KCND2: variants seen among roughly 807,000 people sequenced by gnomAD.
KCND2 encodes potassium voltage-gated channel subfamily D member 2, also known as A-type voltage-gated potassium channel KCND2.
A neutral mutation model predicts 54.4 loss-of-function variants in KCND2; 16 were observed. The ratio of observed to expected loss-of-function variants is 0.29; its 90% confidence interval spans 0.20 to 0.45. KCND2 has a LOEUF of 0.45. KCND2 is among the 20% of genes least tolerant of loss of function. KCND2 has a pLI of 1.00. For synonymous variants in KCND2, 317 were observed against 310.7 expected (o/e 1.02, Z -0.21); for missense variants, 486 against 824.2 (o/e 0.59, Z 5.02).
At chr7:120,294,514 G>C (rs139299813) in intron 1 of KCND2, among the ~76,000 whole-genome samples, 1 of 151,280 alleles carries the variant, frequency 6.6e-6, no homozygotes, top group Non-Finnish European at 1.5e-5. Flanking sequence ...GATTAATGCC[G>C]TATAATATAA....
At chr7:120,295,122 T>G (rs1210841654) in intron 1 of KCND2, among the ~76,000 whole-genome samples, 1 of 151,902 alleles carries the variant, frequency 6.6e-6, no homozygotes. Flanking sequence ...GAATTCGTAT[T>G]GATGCCAGGG....
chr7:120,692,732 T>A (rs1347447707), intron 1 of KCND2, among the ~76,000 whole-genome samples: 1 of 152,230 alleles, frequency 6.6e-6, no homozygotes, highest in African/African-American at 2.4e-5. Context: ...ATGGGGACTT[T>A]GAGTTCTCTA....
At chr7:120,290,244 G>C (rs1370058030) in intron 1 of KCND2, among the ~76,000 whole-genome samples, 1 of 151,868 alleles carries the variant, frequency 6.6e-6, no homozygotes. Context: ...ACCCTTTCTA[G>C]CCACTTCTTC....
At chr7:120,285,603 T>C (rs892675975) in intron 1 of KCND2, among the ~76,000 whole-genome samples, 4 of 151,974 alleles carry the variant, frequency 2.6e-5, no homozygotes, top group African/African-American at 9.7e-5. Flanking sequence ...TTCAAATGAA[T>C]ATTTTTCCAA....
intron 1 of KCND2, among the ~76,000 whole-genome samples, chr7:120,479,836 G>A (rs1584795724): frequency 6.7e-6 from 1 of 148,454 alleles, no homozygotes; most frequent in Non-Finnish European, 1.5e-5. Context: ...TGGTGTGGTG[G>A]CACGTACCTG....
chr7:120,628,434 C>G (rs569034319), intron 1 of KCND2, among the ~76,000 whole-genome samples: 1 of 152,274 alleles, frequency 6.6e-6, no homozygotes, highest in East Asian at 1.9e-4. Context: ...TGTACATTGC[C>G]AGGCACTGAG....
chr7:120,612,078 A>G (rs1792963109), intron 1 of KCND2, among the ~76,000 whole-genome samples: 1 of 152,186 alleles, frequency 6.6e-6, no homozygotes, highest in Non-Finnish European at 1.5e-5. Context: ...AGAACATTTA[A>G]CCAATAGCAC....
At chr7:120,533,566 A>C (rs2116367961) in intron 1 of KCND2, among the ~76,000 whole-genome samples, 1 of 152,272 alleles carries the variant, frequency 6.6e-6, no homozygotes, top group African/African-American at 2.4e-5. Context: ...GCTCTTAAAA[A>C]TGATAATATG....
chr7:120,515,686 G>C (rs1175995893), intron 1 of KCND2, among the ~76,000 whole-genome samples: 1 of 152,108 alleles, frequency 6.6e-6, no homozygotes, highest in Non-Finnish European at 1.5e-5. Context: ...GCTGGCTGGG[G>C]CTTGTTTCCA....
intron 1 of KCND2, among the ~76,000 whole-genome samples, chr7:120,402,457 T>G (rs1801278032): frequency 6.6e-6 from 1 of 152,174 alleles, no homozygotes; most frequent in Non-Finnish European, 1.5e-5. Flanking sequence ...TTTTCTCAGT[T>G]GAAGCAGGCG....
intron 1 of KCND2, among the ~76,000 whole-genome samples, chr7:120,418,109 G>T (rs951078076): frequency 2.6e-5 from 4 of 152,026 alleles, no homozygotes; most frequent in African/African-American, 7.2e-5. Flanking sequence ...GTCAATTCTG[G>T]TTTCTACCTC....
intron 1 of KCND2, among the ~76,000 whole-genome samples, chr7:120,573,902 G>T (rs1792395626): frequency 6.6e-6 from 1 of 152,114 alleles, no homozygotes; most frequent in Non-Finnish European, 1.5e-5. Context: ...AGAATCCTGT[G>T]ACAAATCCTG....
intron 1 of KCND2, among the ~76,000 whole-genome samples, chr7:120,692,212 G>A (rs1792278542): frequency 6.6e-6 from 1 of 152,058 alleles, no homozygotes; most frequent in African/African-American, 2.4e-5. Flanking sequence ...TTTGGTGATG[G>A]GCAGTGAGAA....
intron 1 of KCND2, among the ~76,000 whole-genome samples, chr7:120,318,260 T>C (rs1340629696): frequency 6.6e-6 from 1 of 152,068 alleles, no homozygotes; most frequent in East Asian, 1.9e-4. Context: ...CTACAAATAG[T>C]AAAGTGTAAA....
intron 1 of KCND2, among the ~76,000 whole-genome samples, chr7:120,634,516 T>C (rs1793280002): frequency 6.6e-6 from 1 of 152,086 alleles, no homozygotes; most frequent in African/African-American, 2.4e-5. Flanking sequence ...CTGGGTGTAA[T>C]ACTTGTGACC....
At chr7:120,652,731 G>A (rs1329180280) in intron 1 of KCND2, among the ~76,000 whole-genome samples, 2 of 152,104 alleles carry the variant, frequency 1.3e-5, no homozygotes, top group Non-Finnish European at 2.9e-5. Context: ...GTTTGTGTTT[G>A]GATGGCTCAT....
chr7:120,417,356 A>T (rs1169620832), intron 1 of KCND2, among the ~76,000 whole-genome samples: 1 of 152,180 alleles, frequency 6.6e-6, no homozygotes, highest in Non-Finnish European at 1.5e-5. Context: ...TGGTTGTTAG[A>T]ATAAATCTGA....
At chr7:120,475,164 G>A (rs1057260053) in intron 1 of KCND2, among the ~76,000 whole-genome samples, 3 of 152,188 alleles carry the variant, frequency 2.0e-5, no homozygotes, top group South Asian at 2.1e-4. Context: ...AGGAAAAAAA[G>A]GGAGGGTTGA....
chr7:120,378,122 C>A (rs540320250), intron 1 of KCND2, among the ~76,000 whole-genome samples: 10 of 151,932 alleles, frequency 6.6e-5, no homozygotes, highest in African/African-American at 2.4e-4. Flanking sequence ...ATGTTACTCT[C>A]TTTTCTGTAT....
Sources: allele counts gnomAD v4.1 joint callset (sites outside exome capture counted in the v4.1 genomes callset), GRCh38; gene constraint gnomAD v4.1.1; transcripts MANE v1.5; gene names NCBI Gene and HGNC (gene_info 2026-07-23, HGNC 2026-07-21).